Variants in RIMS1 observed in about 807,000 individuals in gnomAD.
The protein encoded by RIMS1 is regulating synaptic membrane exocytosis 1, also known as regulating synaptic membrane exocytosis protein 1.
Under a neutral mutation model 214.1 loss-of-function variants are expected in RIMS1, and 83 were observed. That is an observed-to-expected ratio of 0.39 (90% CI 0.32 to 0.47). The LOEUF (loss-of-function observed/expected upper bound fraction) is 0.47, where lower values mean the gene tolerates loss of function less well. Among genes scored for constraint, RIMS1 ranks in the 20% least tolerant of loss-of-function variants. The pLI is 0.99. For synonymous variants in RIMS1, 793 were observed against 786.8 expected, an observed-to-expected ratio of 1.01 and a Z score of -0.13; for missense variants, 2,050 against 2,161.8, an observed-to-expected ratio of 0.95 and a Z score of 1.03.
chr6:71,913,563 C>T (rs919083362), intron 1 of RIMS1, among the ~76,000 whole-genome samples: 5 of 152,076 alleles, frequency 3.3e-5, no homozygotes, highest in Non-Finnish European at 7.4e-5. Context: ...ACAGTTACAG[C>T]TAATCCTATT....
At chr6:72,151,128 C>T (rs1250354412) in intron 4 of RIMS1, among the ~76,000 whole-genome samples, 6 of 152,084 alleles carry the variant, frequency 3.9e-5, no homozygotes, top group African/African-American at 1.2e-4. Flanking sequence ...CTGCACGCTC[C>T]GCCTCCCAGG....
chr6:72,037,311 G>A lies in RIMS1; in HGVS notation c.246-59638G>A, dbSNP rs548749209. 1.6e-3 allele frequency among the ~76,000 whole-genome samples: 238 copies of A among 152,086 alleles called. 1 individual carries two copies. Among genetic ancestry groups the A allele is most frequent in the African/African-American group, 5.4e-3 (226 of 41,488 alleles). On this transcript the variant is annotated intron_variant, in intron 2 of 33. Coordinates refer to ENST00000521978, the MANE Select transcript of RIMS1 (RefSeq NM_014989.7). The stretch of plus-strand genomic sequence containing the variant: ...GTGTATAGGCAGGCATTAAAAAAAA[G>A]AGTTGGATATTCTAAAAACACTTTG...
intron 2 of RIMS1, among the ~76,000 whole-genome samples, chr6:72,062,149 G>A (rs985005313): frequency 1.3e-5 from 2 of 152,046 alleles, no homozygotes; most frequent in African/African-American, 4.8e-5. Flanking sequence ...AGATTTAGGG[G>A]TTTTTTCTAT....
At chr6:72,336,825 G>T (rs1043309810) in intron 29 of RIMS1, among the ~76,000 whole-genome samples, 1 of 151,468 alleles carries the variant, frequency 6.6e-6, no homozygotes, top group South Asian at 2.1e-4. Flanking sequence ...TCTTTCTTAG[G>T]ACTTCCCCTA....
chr6:71,960,226 G>A (rs1412497231), intron 1 of RIMS1, among the ~76,000 whole-genome samples: 3 of 152,066 alleles, frequency 2.0e-5, no homozygotes, highest in African/African-American at 7.2e-5. Context: ...CTCTCTCAAT[G>A]AAGTCGGTGA....
At chr6:72,225,201 C>T (rs2059829131) in intron 6 of RIMS1, among the ~76,000 whole-genome samples, 2 of 149,690 alleles carry the variant, frequency 1.3e-5, no homozygotes, top group Non-Finnish European at 3.0e-5. Context: ...GTTTATATTA[C>T]CCACTATTTG....
At chr6:72,172,615 A>G (rs1414745435) in intron 4 of RIMS1, among the ~76,000 whole-genome samples, 3 of 152,202 alleles carry the variant, frequency 2.0e-5, no homozygotes, top group Admixed American at 6.5e-5. Context: ...GTCATTAACC[A>G]GAGCCAAGCA....
At chr6:72,275,308 C>T (rs13213510) in intron 23 of RIMS1, among the ~76,000 whole-genome samples, 13,729 of 151,314 alleles carry the variant, frequency 0.091, 684 homozygotes, top group Middle Eastern at 0.16. Context: ...GATAAGTAGA[C>T]GTGGTATCTC....
At chr6:71,955,322 A>T in intron 1 of RIMS1, among the ~76,000 whole-genome samples, 1 of 152,042 alleles carries the variant, frequency 6.6e-6, no homozygotes, top group East Asian at 1.9e-4. Flanking sequence ...GCCAGCCATC[A>T]TGCCTGGCTA....
intron 13 of RIMS1, 34 bp downstream of exon 13, chr6:72,250,494 A>C: frequency 7.1e-7 from 1 of 1,404,292 alleles, no homozygotes; most frequent in Non-Finnish European, 9.8e-7. Context: ...AAAATCTTAA[A>C]ATCTGTACTA....
chr6:72,014,287 A>T (rs1013742436), intron 2 of RIMS1, among the ~76,000 whole-genome samples: 2 of 152,180 alleles, frequency 1.3e-5, no homozygotes, highest in Non-Finnish European at 2.9e-5. Context: ...CACCCCCATG[A>T]TTCAGTTATC....
At chr6:72,126,777 A>G in intron 4 of RIMS1, 1 of 246,384 alleles carries the variant, frequency 4.1e-6, no homozygotes, top group Non-Finnish European at 8.1e-6. Context: ...AAAAAAAAAA[A>G]AAAAAAGATG....
intron 31 of RIMS1, 111 bp downstream of exon 31, chr6:72,392,921 G>C: frequency 1.4e-6 from 1 of 719,824 alleles, no homozygotes; most frequent in Non-Finnish European, 2.4e-6. Context: ...CAACATTTTA[G>C]CTACAGAGTT....
chr6:72,340,384 C>G (rs1221939682), intron 29 of RIMS1, among the ~76,000 whole-genome samples: 2 of 151,850 alleles, frequency 1.3e-5, no homozygotes, highest in African/African-American at 4.8e-5. Context: ...AATGGTATTG[C>G]CTAGGTTTTC....
At chr6:72,255,764 A>G (rs1323732444) in intron 16 of RIMS1, among the ~76,000 whole-genome samples, 9 of 152,110 alleles carry the variant, frequency 5.9e-5, no homozygotes, top group Admixed American at 3.9e-4. Flanking sequence ...CCAGCCGGGC[A>G]CGGTGGCTCA....
intron 29 of RIMS1, among the ~76,000 whole-genome samples, chr6:72,344,577 C>A (rs527242298): frequency 1.3e-5 from 2 of 151,738 alleles, no homozygotes; most frequent in African/African-American, 4.8e-5. Context: ...GAAAAACATT[C>A]TGAAGAATGT....
intron 31 of RIMS1, among the ~76,000 whole-genome samples, chr6:72,394,689 G>T (rs1461673187): frequency 6.6e-6 from 1 of 151,746 alleles, no homozygotes; most frequent in Non-Finnish European, 1.5e-5. Context: ...GAACAATTGG[G>T]GATATGTGTG....
intron 2 of RIMS1, among the ~76,000 whole-genome samples, chr6:72,003,111 G>A (rs1805900728): frequency 6.6e-6 from 1 of 152,128 alleles, no homozygotes; most frequent in African/African-American, 2.4e-5. Flanking sequence ...GAAGAGATGA[G>A]GGAGGACTCA....
chr6:72,202,696 G>A (rs1403488492), intron 6 of RIMS1, among the ~76,000 whole-genome samples: 1 of 152,116 alleles, frequency 6.6e-6, no homozygotes, highest in African/African-American at 2.4e-5. Context: ...TGTCTCCATG[G>A]TTGTCTATGA....
Sources: gnomAD v4.1 joint callset for allele counts (sites outside exome capture counted in the v4.1 genomes callset) on GRCh38, gnomAD v4.1.1 for gene constraint, MANE v1.5 for transcripts, NCBI Gene and HGNC (gene_info 2026-07-23, HGNC 2026-07-21) for gene names.